ADGRB3: variants seen among roughly 807,000 people sequenced by gnomAD.
The protein encoded by ADGRB3 is brain-specific angiogenesis inhibitor 3.
Under a neutral mutation model 193.4 loss-of-function variants are expected in ADGRB3, and 37 were observed. The observed-to-expected ratio is 0.19, with a 90% CI of 0.15 to 0.25. The LOEUF is 0.25. Among genes scored for constraint, ADGRB3 ranks in the 10% least tolerant of loss-of-function variants. The pLI, the probability that ADGRB3 is intolerant of heterozygous loss-of-function variation, is 1.00. For missense variants in ADGRB3, 1,637 were observed against 1,852.9 expected, an observed-to-expected ratio of 0.88 and a Z score of 2.14; for synonymous variants, 690 against 644.2, an observed-to-expected ratio of 1.07 and a Z score of -1.08.
rs142064827 is a variant in ADGRB3 at position 69,354,832 on chromosome 6, T to C, written c.3555+504T>C. ...CTAAAGTGTAAGGAGTAGCCACTCT[T>C]TTAGTGAAAGACCAGTTATTGTACA... On this transcript the variant is annotated intron_variant, in intron 27 of 31. Coordinates refer to ENST00000370598, the MANE Select transcript of ADGRB3 (RefSeq NM_001704.3). 9.5e-4 allele frequency among the ~76,000 whole-genome samples: 144 copies of C among 152,284 alleles called. No homozygotes were observed. The Middle Eastern group carries it at 0.01, about 11-fold the overall frequency.
chr6:69,061,037 A>G (rs2150307183), intron 15 of ADGRB3, among the ~76,000 whole-genome samples: 1 of 151,976 alleles, frequency 6.6e-6, no homozygotes, highest in South Asian at 2.1e-4. Context: ...TTCAAAATGT[A>G]CTGTACCTTC....
chr6:68,907,882 T>A (rs1766592419), intron 3 of ADGRB3, among the ~76,000 whole-genome samples: 1 of 151,944 alleles, frequency 6.6e-6, no homozygotes, highest in Admixed American at 6.6e-5. Context: ...ATTTTATATG[T>A]ATCAAGAAAG....
intron 3 of ADGRB3, among the ~76,000 whole-genome samples, chr6:68,669,617 T>C (rs1768894582): frequency 6.8e-6 from 1 of 148,094 alleles, no homozygotes; most frequent in Non-Finnish European, 1.5e-5. Context: ...TGTGTGTGTG[T>C]GTGTGTGTGT....
chr6:68,791,359 A>G (rs1393616905), intron 3 of ADGRB3, among the ~76,000 whole-genome samples: 2 of 152,242 alleles, frequency 1.3e-5, no homozygotes, highest in Non-Finnish European at 2.9e-5. Flanking sequence ...TGTTCATACA[A>G]TATAGGTATA....
rs564113638 is a variant in ADGRB3 at position 69,117,538 on chromosome 6, T to C, written c.2480+41500T>C. 7.9e-5 allele frequency among the ~76,000 whole-genome samples: 12 copies of C among 152,284 alleles called. No individual in the cohort carries two copies. In the South Asian group the frequency reaches 2.1e-3, roughly 26 times the overall value. The stretch of plus-strand genomic sequence containing the variant: ...AATAAGTAATATCAGAGCCATATTA[T>C]AGTAAGCCAAATTCTTGGAGGCAAT... On this transcript the variant is annotated intron_variant, in intron 17 of 31. Coordinates refer to ENST00000370598, the MANE Select transcript of ADGRB3 (RefSeq NM_001704.3).
chr6:69,174,397 T>C (rs1237812633), intron 17 of ADGRB3, among the ~76,000 whole-genome samples: 5 of 152,214 alleles, frequency 3.3e-5, no homozygotes, highest in African/African-American at 9.6e-5. Flanking sequence ...ATAATGGCCT[T>C]CAGCTACATT....
At chr6:68,913,127 A>G (rs1766768624) in intron 3 of ADGRB3, among the ~76,000 whole-genome samples, 1 of 152,204 alleles carries the variant, frequency 6.6e-6, no homozygotes, top group Non-Finnish European at 1.5e-5. Flanking sequence ...GGCACTGACA[A>G]ACAAAAAGAC....
At chr6:68,766,917 A>G (rs1486649344) in intron 3 of ADGRB3, among the ~76,000 whole-genome samples, 2 of 152,066 alleles carry the variant, frequency 1.3e-5, no homozygotes, top group Non-Finnish European at 2.9e-5. Context: ...TTTGTAACAT[A>G]CTGGTTTTTC....
chr6:68,700,529 A>G (rs1313640675), intron 3 of ADGRB3, among the ~76,000 whole-genome samples: 1 of 152,054 alleles, frequency 6.6e-6, no homozygotes. Flanking sequence ...TACCAAATAT[A>G]GTCAGTGTTA....
intron 17 of ADGRB3, among the ~76,000 whole-genome samples, chr6:69,127,417 T>C (rs898851178): frequency 2.0e-5 from 3 of 152,232 alleles, no homozygotes; most frequent in African/African-American, 7.2e-5. Context: ...TTCCTGCTTA[T>C]TGTCCTTTCT....
chr6:68,915,792 A>G (rs1256039622), intron 3 of ADGRB3, among the ~76,000 whole-genome samples: 2 of 152,080 alleles, frequency 1.3e-5, no homozygotes, highest in Non-Finnish European at 2.9e-5. Context: ...CCCAAGAAAA[A>G]AAACAAACAC....
intron 17 of ADGRB3, among the ~76,000 whole-genome samples, chr6:69,179,891 A>G (rs1327545839): frequency 1.3e-5 from 2 of 151,972 alleles, no homozygotes; most frequent in Non-Finnish European, 2.9e-5. Context: ...TACTTGGAGA[A>G]CCTCTCTGTT....
At chr6:69,158,674 A>G (rs565521576) in intron 17 of ADGRB3, among the ~76,000 whole-genome samples, 13 of 152,182 alleles carry the variant, frequency 8.5e-5, no homozygotes, top group Admixed American at 5.9e-4. Flanking sequence ...TCATTTCATA[A>G]GTCTTTCAAC....
At chr6:68,703,128 G>T (rs1449416058) in intron 3 of ADGRB3, among the ~76,000 whole-genome samples, 2 of 152,092 alleles carry the variant, frequency 1.3e-5, no homozygotes, top group African/African-American at 4.8e-5. Context: ...TAAAATCAAG[G>T]TGATGGGTAT....
chr6:69,117,045 A>G (rs889594132), intron 17 of ADGRB3, among the ~76,000 whole-genome samples: 2 of 152,234 alleles, frequency 1.3e-5, no homozygotes, highest in Non-Finnish European at 2.9e-5. Context: ...GTCTTATTAC[A>G]AAAGTAATAT....
chr6:69,224,337 A>G (rs1765961837), intron 17 of ADGRB3, among the ~76,000 whole-genome samples: 1 of 152,116 alleles, frequency 6.6e-6, no homozygotes, highest in Non-Finnish European at 1.5e-5. Context: ...GTAGAAAGTA[A>G]CATATGTTTA....
chr6:68,746,628 A>T (rs548365371), intron 3 of ADGRB3, among the ~76,000 whole-genome samples: 16 of 141,110 alleles, frequency 1.1e-4, no homozygotes, highest in South Asian at 2.4e-4. Flanking sequence ...CTCCTTTTTC[A>T]CTCTCCATTT....
At chr6:69,012,966 CACAG>C (rs1398065571) in intron 11 of ADGRB3, among the ~76,000 whole-genome samples, 1 of 152,058 alleles carries the variant, frequency 6.6e-6, no homozygotes, top group African/African-American at 2.4e-5. Context: ...CTGACCTACA[CACAG>C]ACAGTCAGAC....
At chr6:69,098,997 C>T (rs946299589) in intron 17 of ADGRB3, among the ~76,000 whole-genome samples, 15 of 152,192 alleles carry the variant, frequency 9.9e-5, no homozygotes, top group African/African-American at 3.6e-4. Flanking sequence ...ATAGCTACCT[C>T]TATGAAAATA....
Sources: gnomAD v4.1 joint callset for allele counts (sites outside exome capture counted in the v4.1 genomes callset) on GRCh38, gnomAD v4.1.1 for gene constraint, MANE v1.5 for transcripts, NCBI Gene and HGNC (gene_info 2026-07-23, HGNC 2026-07-21) for gene names.